Variants in TBPL2 observed in about 807,000 individuals in gnomAD.
TBPL2 encodes TATA box-binding protein-like 2.
TBPL2 carries 40 observed loss-of-function variants against 38.2 expected under a neutral mutation model. That is an observed-to-expected ratio of 1.05 (90% CI 0.81 to 1.36). The LOEUF is 1.36. Among genes scored for constraint, TBPL2 ranks in the 40% most tolerant of loss-of-function variants. TBPL2 has a pLI of 0.00. For missense variants in TBPL2, 461 were observed against 456.7 expected (o/e 1.01, Z -0.09); for synonymous variants, 169 against 171.7 (o/e 0.98, Z 0.12).
At chr14:55,437,008 G>T in exon 2 of TBPL2, 1 of 1,613,876 alleles carries the variant, frequency 6.2e-7, no homozygotes, top group Non-Finnish European at 8.5e-7. Flanking sequence ...CCTGGGTGGG[G>T]CAAGGCCATC....
At chr14:55,430,468 A>G (rs1885908675) in intron 4 of TBPL2, among the ~76,000 whole-genome samples, 1 of 151,160 alleles carries the variant, frequency 6.6e-6, no homozygotes, top group South Asian at 2.1e-4. Flanking sequence ...GTGCAGTGGC[A>G]TGATCATAGC....
At chr14:55,416,558 GAC>G (rs1232371721) in intron 6 of TBPL2, among the ~76,000 whole-genome samples, 1 of 152,196 alleles carries the variant, frequency 6.6e-6, no homozygotes, top group African/African-American at 2.4e-5. Flanking sequence ...GTGAGTTACT[GAC>G]ACACATAAGA....
At chr14:55,427,895 T>G (rs946565140) in intron 5 of TBPL2, among the ~76,000 whole-genome samples, 2 of 150,468 alleles carry the variant, frequency 1.3e-5, no homozygotes, top group Non-Finnish European at 3.0e-5. Flanking sequence ...TTTTTTTTTT[T>G]TTTGAGACGG....
intron 6 of TBPL2, among the ~76,000 whole-genome samples, chr14:55,421,449 AGCTTTCCCCACTTTGTT>A (rs1303654536): frequency 6.6e-6 from 1 of 152,138 alleles, no homozygotes; most frequent in Non-Finnish European, 1.5e-5. Flanking sequence ...ATTCCAAACA[AGCTTTCCCCACTTTGTT>A]TTTAATTTTT....
chr14:55,417,289 T>A (rs1420714397), intron 6 of TBPL2, among the ~76,000 whole-genome samples: 1 of 152,102 alleles, frequency 6.6e-6, no homozygotes, highest in Admixed American at 6.5e-5. Flanking sequence ...AACAGGTTGT[T>A]AAAATGAGGG....
chr14:55,427,183 C>T (rs1348134330), intron 5 of TBPL2, among the ~76,000 whole-genome samples: 4 of 151,906 alleles, frequency 2.6e-5, no homozygotes, highest in African/African-American at 9.7e-5. Context: ...AAGAAAGATA[C>T]CTAAAGAGGC....
intron 6 of TBPL2, among the ~76,000 whole-genome samples, chr14:55,420,659 T>C (rs1885728287): frequency 6.6e-6 from 1 of 152,244 alleles, no homozygotes; most frequent in Admixed American, 6.5e-5. Context: ...CTATTCTGTA[T>C]ACTTAGAAAT....
chr14:55,429,013 C>T, intron 4 of TBPL2, 39 bp from the exon 5 acceptor site: 1 of 1,606,862 alleles, frequency 6.2e-7, no homozygotes, highest in Non-Finnish European at 8.5e-7. Context: ...GTCTTAATCG[C>T]TACATCCTCT....
intron 4 of TBPL2, among the ~76,000 whole-genome samples, chr14:55,433,305 T>G (rs1488175195): frequency 8.4e-6 from 1 of 118,512 alleles, no homozygotes; most frequent in East Asian, 2.4e-4. Context: ...CTTTTTAGAT[T>G]TCTCTTTTTT....
intron 6 of TBPL2, among the ~76,000 whole-genome samples, chr14:55,422,716 G>A (rs1475380647): frequency 1.3e-5 from 2 of 152,100 alleles, no homozygotes; most frequent in African/African-American, 4.8e-5. Context: ...AGCTGGGCAT[G>A]GTGGCATGTG....
At chr14:55,439,618 C>CCCCCCCCCG (rs1555344751) in intron 1 of TBPL2, among the ~76,000 whole-genome samples, 6 of 60,292 alleles carry the variant, frequency 1.0e-4, no homozygotes, top group South Asian at 1.2e-3. Context: ...AAGCAAACCC[C>CCCCCCCCCG]CCCCCGTCTC....
chr14:55,419,492 G>A (rs1885712592), intron 6 of TBPL2, among the ~76,000 whole-genome samples: 2 of 152,182 alleles, frequency 1.3e-5, no homozygotes, highest in South Asian at 2.1e-4. Context: ...AAAAAACATG[G>A]GCCCTAAATG....
At chr14:55,439,071 G>T (rs1437701279) in intron 1 of TBPL2, among the ~76,000 whole-genome samples, 2 of 151,700 alleles carry the variant, frequency 1.3e-5, no homozygotes. Context: ...CCGAGTAGCT[G>T]GGACTACAGG....
At chr14:55,419,057 C>A (rs1885707294) in intron 6 of TBPL2, among the ~76,000 whole-genome samples, 1 of 152,242 alleles carries the variant, frequency 6.6e-6, no homozygotes, top group African/African-American at 2.4e-5. Context: ...TGCTGACCCT[C>A]ACTGCTAAGA....
intron 6 of TBPL2, 91 bp from the exon 7 acceptor site, chr14:55,414,546 C>CT: frequency 2.1e-6 from 2 of 932,542 alleles, no homozygotes; most frequent in Non-Finnish European, 1.6e-6. Context: ...TCTCCAATTA[C>CT]TTTTAATATG....
chr14:55,433,812 C>G, intron 3 of TBPL2, 91 bp from the exon 4 acceptor site: 1 of 1,143,560 alleles, frequency 8.7e-7, no homozygotes, highest in East Asian at 2.4e-5. Context: ...AAATCTCAAA[C>G]AGATTGGATG....
In TBPL2 at chr14:55,417,826, A is replaced by G. The variant is rs544595033; in HGVS notation, c.1052-3371T>C. Among the ~76,000 whole-genome samples, 9 of 152,324 alleles carry G rather than the reference A, an allele frequency of 5.9e-5. No individual in the cohort carries two copies. The East Asian group carries it at 1.5e-3, about 26-fold the overall frequency. On this transcript the variant is annotated intron_variant, in intron 6 of 6. Transcript: ENST00000247219. ...ATACCATTCCTAACCTTGGTGACTA[A>G]GGTGAAAATTGTGTGGCCTGGTGCA...
intron 6 of TBPL2, among the ~76,000 whole-genome samples, chr14:55,417,218 G>A (rs375135787): frequency 1.3e-5 from 2 of 152,134 alleles, no homozygotes; most frequent in African/African-American, 2.4e-5. Context: ...AGAAGAGTGC[G>A]TGTAACCGGT....
intron 5 of TBPL2, among the ~76,000 whole-genome samples, chr14:55,426,401 G>A (rs1321735272): frequency 2.0e-5 from 3 of 152,146 alleles, no homozygotes; most frequent in African/African-American, 4.8e-5. Context: ...ATTAAATGTT[G>A]ACATACAAAT....
Sources: allele counts gnomAD v4.1 joint callset (sites outside exome capture counted in the v4.1 genomes callset), GRCh38; gene constraint gnomAD v4.1.1; transcripts MANE v1.5; gene names NCBI Gene and HGNC (gene_info 2026-07-23, HGNC 2026-07-21).